UBAP2L: variants seen among roughly 807,000 people sequenced by gnomAD.
UBAP2L encodes the protein ubiquitin associated protein 2 like.
A neutral mutation model predicts 130.6 loss-of-function variants in UBAP2L; 12 were observed. The ratio of observed to expected loss-of-function variants is 0.09; its 90% CI spans 0.06 to 0.15. UBAP2L has a LOEUF of 0.15. Ranked by LOEUF, UBAP2L falls within the 10% of genes least tolerant of loss-of-function variation. UBAP2L has a pLI of 1.00. For synonymous variants in UBAP2L, 503 were observed against 524.7 expected, an observed-to-expected ratio of 0.96 and a Z score of 0.57; for missense variants, 965 against 1,332.5, an observed-to-expected ratio of 0.72 and a Z score of 4.29.
intron 21 of UBAP2L, chr1:154,259,724 A>G: frequency 1.5e-6 from 1 of 682,852 alleles, no homozygotes; most frequent in Middle Eastern, 3.8e-4. Context: ...TGTATTCTCA[A>G]GTGGGCATAC....
Position 154,257,063 on chromosome 1 carries a change from C to A in UBAP2L, c.2158C>A (p.His720Asn). The change falls in exon 19 of 27, where the codon CAC becomes AAC. Residue 720 changes from histidine to asparagine, a missense_variant and splice_region_variant. Physicochemically the swap from His to Asn is moderately conservative, Grantham distance 68. This residue lies in a region of UBAP2L where 393 missense variants were observed against 408.1 expected (regional missense o/e 0.96). Transcript: ENST00000428931. ...TCTTCCACTGCTCCCCCTTTTGAAG[C>A]ACACAAGTGTGGAGAGTGAGGCGAA... ...SGRTSTSTLL[H>N]TSVESEANLH... 6 of 1,612,430 alleles carry A rather than the reference C, an allele frequency of 3.7e-6. No individual in the cohort carries two copies. The highest frequency in any genetic ancestry group is 5.1e-6 in the Non-Finnish European group (6 of 1,179,470).
intron 1 of UBAP2L, 95 bp downstream of exon 1, chr1:154,221,070 A>G (rs951780085): frequency 3.4e-5 from 6 of 177,690 alleles, no homozygotes; most frequent in Non-Finnish European, 7.2e-5. Flanking sequence ...TAAATCCGCG[A>G]TCCCCCTTTT....
At position 154,254,830 on chromosome 1, in the gene UBAP2L, T is replaced by C. The variant is rs2148935305; in HGVS notation, c.1855-6T>C. 1 of 1,602,292 alleles carries C rather than the reference T, an allele frequency of 6.2e-7. No individual in the cohort carries two copies. Among genetic ancestry groups the C allele is most frequent in the Non-Finnish European group, 8.5e-7 (1 of 1,177,768 alleles). Reference sequence around the variant, plus strand: ...CTTGCTCTTCTGTTTTTTTTTTTTTTACCAGAATGGCTTCAGTTCTGTGCA... The same window carrying C: ...CTTGCTCTTCTGTTTTTTTTTTTTTCACCAGAATGGCTTCAGTTCTGTGCA... On this transcript the variant is annotated splice_region_variant and splice_polypyrimidine_tract_variant and intron_variant, in intron 15 of 26. Transcript: ENST00000428931.
Position 154,249,385 on chromosome 1 carries a change from C to CAA in UBAP2L, c.1161_1162insAA (p.Ser388AsnfsTer20). The CAA allele has an allele frequency of 6.2e-7, 1 of 1,614,204 alleles. No homozygotes were observed. Among genetic ancestry groups the CAA allele is most frequent in the Non-Finnish European group, 8.5e-7 (1 of 1,180,034 alleles). On this transcript the variant is annotated frameshift_variant, in exon 12 of 27. Coordinates refer to ENST00000428931, the MANE Select transcript of UBAP2L (RefSeq NM_014847.4). LOFTEE classifies it high-confidence loss of function. ...ATTCTCAGTCTGGAAGCACCACCAC[C>CAA]TCCTCTTGGGACATGGGCTCGACGA...
At chr1:154,233,904 C>T (rs965677155) in intron 4 of UBAP2L, among the ~76,000 whole-genome samples, 2 of 151,312 alleles carry the variant, frequency 1.3e-5, no homozygotes, top group Admixed American at 1.3e-4. Flanking sequence ...GGAAATAACA[C>T]TTGAAAGATA....
chr1:154,236,409 G>C (rs144967337), intron 6 of UBAP2L, among the ~76,000 whole-genome samples, 157 bp from the exon 7 acceptor site: 1 of 152,144 alleles, frequency 6.6e-6, no homozygotes, highest in East Asian at 1.9e-4. Context: ...CTATTGCCTA[G>C]GCTGGTCTCG....
rs1399996096 is a variant in UBAP2L at position 154,255,176 on chromosome 1, C to G, written c.1934C>G (p.Ser645Cys). ...GGTGCTACAGGCTCTGCAGTGAAAT[C>G]TGATTCACCTTCCACTTCTAGCATC... ...VEGATGSAVK[S>C]DSPSTSSIPP... is the part of the protein sequence containing the mutation. Residue 645 changes from serine (S) to cysteine (C), a missense_variant, in exon 17 of 27, where the codon TCT becomes TGT. Coordinates refer to ENST00000428931, the MANE Select transcript of UBAP2L (RefSeq NM_014847.4). 6.2e-7 allele frequency: 1 copy of G among 1,614,032 alleles called. No homozygotes were observed. Among genetic ancestry groups the G allele is most frequent in the Non-Finnish European group, 8.5e-7 (1 of 1,179,952 alleles).
At position 154,228,640 on chromosome 1, in the gene UBAP2L, A is replaced by C. The variant is rs1668784478; in HGVS notation, c.194A>C (p.Gln65Pro). ...TTGATTGATATTACAGGCAAGAACC[A>C]GGATGAATGTGTGATTGCTTTGCAT... is the stretch of plus-strand genomic sequence containing the variant. ...KQLIDITGKNQDECVIALHDC... is the reference protein window; with the variant it reads ...KQLIDITGKNPDECVIALHDC... Residue 65 changes from glutamine (Q) to proline (P), a missense_variant, in exon 4 of 27, where the codon CAG (glutamine) becomes CCG (proline). Coordinates refer to ENST00000428931, the MANE Select transcript of UBAP2L (RefSeq NM_014847.4). 1.2e-6 allele frequency: 2 copies of C among 1,613,764 alleles called. No homozygotes were observed. Among genetic ancestry groups the C allele is most frequent in the Non-Finnish European group, 1.7e-6 (2 of 1,179,756 alleles).
Position 154,249,421 on chromosome 1 carries a change from A to G in UBAP2L, c.1197A>G (p.Pro399=), listed in dbSNP as rs1291072791. The change falls in exon 12 of 27, where the codon CCA becomes CCG. Residue 399 remains proline, a synonymous_variant. Transcript: ENST00000428931. ...ACATGGGCTCGACGACACAATCCCC[A>G]TCACTGGTGCAGTATGGTGAGAAGA... is the stretch of plus-strand genomic sequence containing the variant. ...SWDMGSTTQS[P]SLVQYDLKNP... 3.1e-6 allele frequency: 5 copies of G among 1,614,060 alleles called. No homozygotes were observed. The highest frequency in any genetic ancestry group is 3.4e-6 in the Non-Finnish European group (4 of 1,180,044).
chr1:154,234,555 A>G (rs373213611), intron 4 of UBAP2L, 36 bp from the exon 5 acceptor site: 15 of 1,610,306 alleles, frequency 9.3e-6, no homozygotes, highest in African/African-American at 1.3e-5. Flanking sequence ...ATAGCACTCC[A>G]TATTGATTAG....
At chr1:154,227,184 A>G (rs1668233127) in intron 2 of UBAP2L, 98 bp from the exon 3 acceptor site, 8 of 1,015,070 alleles carry the variant, frequency 7.9e-6, no homozygotes, top group Non-Finnish European at 1.2e-5. Context: ...TGTTACAAGG[A>G]AAAGAAAATT....
intron 3 of UBAP2L, 84 bp from the exon 4 acceptor site, chr1:154,228,531 T>C: frequency 9.6e-7 from 1 of 1,044,204 alleles, no homozygotes; most frequent in South Asian, 1.4e-5. Context: ...ACTCAACTGA[T>C]AGCGTTTCCC....
At chr1:154,253,137 G>A (rs911461883) in intron 14 of UBAP2L, among the ~76,000 whole-genome samples, 1 of 152,010 alleles carries the variant, frequency 6.6e-6, no homozygotes, top group African/African-American at 2.4e-5. Context: ...CTGAGTAGCT[G>A]GGATTACAGG....
At chr1:154,255,975 G>T (rs1187090182) in intron 18 of UBAP2L, among the ~76,000 whole-genome samples, 1 of 152,198 alleles carries the variant, frequency 6.6e-6, no homozygotes, top group African/African-American at 2.4e-5. Context: ...CCCTGAAAGT[G>T]ACTTTCTGAT....
intron 4 of UBAP2L, among the ~76,000 whole-genome samples, chr1:154,233,722 G>A (rs879419138): frequency 6.6e-5 from 10 of 151,152 alleles, no homozygotes; most frequent in Admixed American, 1.3e-4. Context: ...AAATTTATGG[G>A]TGAGATTAGA....
chr1:154,247,559 T>G (rs1675932997), intron 11 of UBAP2L, among the ~76,000 whole-genome samples: 1 of 152,150 alleles, frequency 6.6e-6, no homozygotes, highest in African/African-American at 2.4e-5. Context: ...AAATCAGACT[T>G]TTGATATCAA....
rs543859563 is a variant in UBAP2L at position 154,233,540 on chromosome 1, G to C, written c.280-1051G>C. On this transcript the variant is annotated intron_variant, in intron 4 of 26. Transcript: ENST00000428931. ...GGGTTTCACCGTGTTGGCCAGGCTG[G>C]TCTCAAACTCCTGCCCTTGTGATCT... is the stretch of plus-strand genomic sequence containing the variant. Among the ~76,000 whole-genome samples, 10 of 145,526 alleles carry C rather than the reference G, an allele frequency of 6.9e-5. No individual in the cohort carries two copies. The South Asian group carries it at 2.1e-3, about 30-fold the overall frequency.
At chr1:154,265,581 T>C (rs1174518956) in intron 24 of UBAP2L, among the ~76,000 whole-genome samples, 3 of 152,224 alleles carry the variant, frequency 2.0e-5, no homozygotes, top group Non-Finnish European at 4.4e-5. Flanking sequence ...TCCTATCTTC[T>C]TGACCCGATG....
chr1:154,245,299 T>C (rs1329565080), intron 10 of UBAP2L, among the ~76,000 whole-genome samples: 2 of 152,144 alleles, frequency 1.3e-5, no homozygotes, highest in Non-Finnish European at 2.9e-5. Context: ...TCATTAGCAT[T>C]CAGGTATGGT....
Sources: allele counts gnomAD v4.1 joint callset (sites outside exome capture counted in the v4.1 genomes callset), GRCh38; gene constraint gnomAD v4.1.1; regional missense constraint gnomAD v4.1.1; transcripts MANE v1.5; gene names NCBI Gene and HGNC (gene_info 2026-07-23, HGNC 2026-07-21).